The following ZNF568 variants were observed in gnomAD, a reference collection of about 807,000 sequenced individuals.
ZNF568 encodes p53 inhibitor of SCO2 activation.
Under a neutral mutation model 18.1 loss-of-function variants are expected in ZNF568, and 11 were observed. The ratio of observed to expected loss-of-function variants is 0.61; its 90% CI spans 0.38 to 1.00. ZNF568 has a LOEUF of 1.00. Ranked by LOEUF, ZNF568 falls within the 50% of genes least tolerant of loss-of-function variation. The probability of loss-of-function intolerance (pLI) is 0.01; values close to 1 mark genes in which losing one functional copy is unlikely to be tolerated. For missense variants in ZNF568, 639 were observed against 768.2 expected, an observed-to-expected ratio of 0.83 and a Z score of 1.99; for synonymous variants, 213 against 246.6, an observed-to-expected ratio of 0.86 and a Z score of 1.28.
intron 4 of ZNF568, 148 bp downstream of exon 4, chr19:36,925,406 T>G: frequency 1.4e-6 from 1 of 703,924 alleles, no homozygotes; most frequent in Non-Finnish European, 2.4e-6. Flanking sequence ...CCTGGGGAAA[T>G]TTGAGATATG....
At chr19:36,963,217 A>G (rs474017) in intron 6 of ZNF568, among the ~76,000 whole-genome samples, 54,614 of 151,360 alleles carry the variant, frequency 0.36, 10,091 homozygotes, top group African/African-American at 0.42. Flanking sequence ...TTGGATAAAT[A>G]CCAAGGATTG....
chr19:36,919,029 T>C (rs181857611), intron 2 of ZNF568, among the ~76,000 whole-genome samples: 1 of 152,348 alleles, frequency 6.6e-6, no homozygotes. Context: ...TATCAATTTA[T>C]TCATCATTGG....
chr19:36,925,160 GA>G, intron 3 of ZNF568, 39 bp from the exon 4 acceptor site: 1 of 1,600,552 alleles, frequency 6.2e-7, no homozygotes, highest in South Asian at 1.1e-5. Context: ...TCCTTTGTCT[GA>G]AACTTTGAAG....
intron 6 of ZNF568, among the ~76,000 whole-genome samples, chr19:36,938,372 G>C (rs2073824474): frequency 1.3e-5 from 2 of 152,146 alleles, no homozygotes; most frequent in South Asian, 2.1e-4. Context: ...ACAGAACTCA[G>C]TGAGGTGGTA....
intron 4 of ZNF568, among the ~76,000 whole-genome samples, chr19:36,995,031 T>C (rs1329230185): frequency 6.6e-6 from 1 of 152,186 alleles, no homozygotes; most frequent in African/African-American, 2.4e-5. Flanking sequence ...TTTTACCTCA[T>C]TTTTGGTTAC....
At chr19:36,927,878 A>ATG (rs2073590653) in intron 4 of ZNF568, among the ~76,000 whole-genome samples, 12 of 54,428 alleles carry the variant, frequency 2.2e-4, no homozygotes, top group African/African-American at 1.4e-3. Context: ...ATATATATAT[A>ATG]TATATATATT....
chr19:36,984,046 A>T (rs1268754707), downstream of ZNF568, among the ~76,000 whole-genome samples: 4 of 151,730 alleles, frequency 2.6e-5, no homozygotes, highest in Non-Finnish European at 2.9e-5. Context: ...TTACAGGTGC[A>T]TGCCGCCACG....
At chr19:36,922,174 T>C (rs188664535) in intron 2 of ZNF568, among the ~76,000 whole-genome samples, 246 of 152,332 alleles carry the variant, frequency 1.6e-3, no homozygotes, top group African/African-American at 5.8e-3. Flanking sequence ...CTCATGAAGT[T>C]GCAGTCAAGT....
At chr19:36,987,589 CTCAAGTCTTTGGGGTGCCT>C (rs11275693) in intron 2 of ZNF568, among the ~76,000 whole-genome samples, 80,540 of 151,234 alleles carry the variant, frequency 0.53, 22,017 homozygotes, top group African/African-American at 0.61. Context: ...TGAGGGCTCC[CTCAAGTCTTTGGGGTGCCT>C]TCAAGTCTTT....
chr19:36,947,384 A>G (rs826296), intron 6 of ZNF568, among the ~76,000 whole-genome samples: 54,359 of 151,918 alleles, frequency 0.36, 10,023 homozygotes, highest in African/African-American at 0.41. Context: ...TTTATCTCCT[A>G]TGTGTAGGTA....
intron 7 of ZNF568, among the ~76,000 whole-genome samples, chr19:36,976,778 C>T (rs1644653): frequency 0.024 from 3,685 of 152,130 alleles, 160 homozygotes; most frequent in African/African-American, 0.083. Context: ...GATGTGGTGG[C>T]GCATGCCTGT....
At chr19:36,990,777 T>C (rs1000791079) in intron 2 of ZNF568, among the ~76,000 whole-genome samples, 1 of 152,212 alleles carries the variant, frequency 6.6e-6, no homozygotes, top group African/African-American at 2.4e-5. Flanking sequence ...TTTTTGGTGA[T>C]GTAGAAAACT....
Position 36,978,925 on chromosome 19 carries a change from C to T in ZNF568, c.406-79C>T, listed in dbSNP as rs893743932. The T allele has an allele frequency of 4.5e-5, 14 of 310,184 alleles. 1 individual carries two copies. The highest frequency in any genetic ancestry group is 1.5e-4 in the South Asian group (6 of 39,486). 19.2% of individuals were successfully genotyped at this position (310,184 alleles called of 1,614,324 possible). ...GAAACCTGTGTCAGTCTCATGGTTG[C>T]GCTTGGTCTCAATTGCTGTATCTCT... On this transcript the variant is annotated intron_variant, in intron 7 of 7. Coordinates refer to the ZNF568 transcript ENST00000427117.
Position 36,949,692 on chromosome 19 carries a change from C to CAA in ZNF568, c.540_541insAA (p.Leu181AsnfsTer10). 6.2e-7 allele frequency: 1 copy of CAA among 1,613,714 alleles called. No individual in the cohort carries two copies. The highest frequency in any genetic ancestry group is 1.1e-5 in the South Asian group (1 of 91,006). ...AGACAAAGCTTCTATGACTGTGACT[C>CAA]ACTTGATAAGGGTTTGGAACATAAT... is the stretch of plus-strand genomic sequence containing the variant. On this transcript the variant is annotated frameshift_variant, in exon 7 of 7. Transcript: ENST00000333987. LOFTEE classifies it low-confidence loss of function (END_TRUNC).
chr19:36,953,975 G>A (rs974633097), downstream of ZNF568, among the ~76,000 whole-genome samples: 4 of 152,180 alleles, frequency 2.6e-5, no homozygotes, highest in African/African-American at 9.7e-5. Flanking sequence ...TGTAATCCCA[G>A]CACTTTGGGA....
intron 6 of ZNF568, among the ~76,000 whole-genome samples, chr19:36,948,658 A>ATTTTTTTTTTTTTTTTT (rs4069585): frequency 2.6e-4 from 22 of 83,562 alleles, no homozygotes; most frequent in South Asian, 4.5e-4. Context: ...TTTGTTGTTG[A>ATTTTTTTTTTTTTTTTT]TTTTTTTTTT....
At chr19:36,990,751 GCTGT>G (rs2074416849) in intron 2 of ZNF568, among the ~76,000 whole-genome samples, 1 of 152,166 alleles carries the variant, frequency 6.6e-6, no homozygotes, top group South Asian at 2.1e-4. Context: ...CAGTAAAATT[GCTGT>G]CTATTTAAGA....
chr19:36,928,066 C>T lies in ZNF568; in HGVS notation c.135+2808C>T, dbSNP rs1357290377. On this transcript the variant is annotated intron_variant, in intron 4 of 6. Transcript: ENST00000333987. ...AGCAGCTGGGATTACAGGGGTACACCACCATGCCTGGCTAAGTTTTTGCAT... is the reference window on the plus strand; with the variant it reads ...AGCAGCTGGGATTACAGGGGTACACTACCATGCCTGGCTAAGTTTTTGCAT... 3.3e-5 allele frequency among the ~76,000 whole-genome samples: 5 copies of T among 149,978 alleles called. 1 individual carries two copies. The highest frequency in any genetic ancestry group is 1.3e-4 in the Admixed American group (2 of 14,988).
chr19:36,958,616 C>CTTTTTTTTT (rs35494587), intron 6 of ZNF568, among the ~76,000 whole-genome samples: 37 of 99,126 alleles, frequency 3.7e-4, no homozygotes, highest in African/African-American at 8.0e-4. Flanking sequence ...CTTTTTCTTT[C>CTTTTTTTTT]TTTTTTTTTT....
Sources: gnomAD v4.1 joint callset for allele counts (sites outside exome capture counted in the v4.1 genomes callset) on GRCh38, gnomAD v4.1.1 for gene constraint, MANE v1.5 for transcripts, NCBI Gene and HGNC (gene_info 2026-07-23, HGNC 2026-07-21) for gene names.